Variants in SYNDIG1 observed in about 807,000 individuals in gnomAD.
SYNDIG1 encodes the protein synapse differentiation inducing 1, also known as synapse differentiation-inducing gene protein 1.
SYNDIG1 carries 9 observed loss-of-function variants against 19.4 expected under a neutral mutation model. That is an observed-to-expected ratio of 0.46 (90% CI 0.28 to 0.81). The LOEUF is 0.81. SYNDIG1 is among the 30% of genes least tolerant of loss of function. The probability of loss-of-function intolerance (pLI) is 0.12; values close to 1 mark genes in which losing one functional copy is unlikely to be tolerated. For missense variants in SYNDIG1, 311 were observed against 343.3 expected, an observed-to-expected ratio of 0.91 and a Z score of 0.74; for synonymous variants, 141 against 145.9, an observed-to-expected ratio of 0.97 and a Z score of 0.24.
At chr20:24,609,683 A>G (rs2058816459) in intron 3 of SYNDIG1, among the ~76,000 whole-genome samples, 1 of 152,202 alleles carries the variant, frequency 6.6e-6, no homozygotes, top group South Asian at 2.1e-4. Context: ...GCCCTGCACT[A>G]GAGTATAGGA....
chr20:24,632,830 C>T (rs2059263913), intron 3 of SYNDIG1, among the ~76,000 whole-genome samples: 1 of 152,154 alleles, frequency 6.6e-6, no homozygotes, highest in Admixed American at 6.5e-5. Flanking sequence ...CTTCCAGACA[C>T]AGGGATGACA....
rs1039458614 is a variant in SYNDIG1 at position 24,596,038 on chromosome 20, G to C, written c.618+11045G>C. 2.6e-5 allele frequency among the ~76,000 whole-genome samples: 4 copies of C among 152,052 alleles called. No individual in the cohort carries two copies. In the East Asian group the frequency reaches 7.7e-4, roughly 29 times the overall value. The stretch of plus-strand genomic sequence containing the variant: ...GCTCTTGTTTCTCTAGTTCTTCTAC[G>C]TGTAATGTTAAGTTGTTAACTTGGG... On this transcript the variant is annotated intron_variant, in intron 3 of 3. Coordinates refer to ENST00000376862, the MANE Select transcript of SYNDIG1 (RefSeq NM_024893.3).
intron 3 of SYNDIG1, among the ~76,000 whole-genome samples, chr20:24,641,279 GGATGGATT>G (rs145210039): frequency 0.048 from 7,370 of 152,150 alleles, 261 homozygotes; most frequent in Middle Eastern, 0.099. Context: ...GATGATGGAT[GGATGGATT>G]GATGGATGGA....
At chr20:24,488,000 A>G (rs952772201) in intron 1 of SYNDIG1, among the ~76,000 whole-genome samples, 1 of 152,250 alleles carries the variant, frequency 6.6e-6, no homozygotes, top group African/African-American at 2.4e-5. Context: ...AGACCAGCCA[A>G]GAATCAAGCA....
chr20:24,608,874 A>G (rs1233171118), intron 3 of SYNDIG1, among the ~76,000 whole-genome samples: 4 of 152,210 alleles, frequency 2.6e-5, no homozygotes, highest in Non-Finnish European at 5.9e-5. Flanking sequence ...AGATTAGATG[A>G]TGTTCAGAAA....
intron 1 of SYNDIG1, among the ~76,000 whole-genome samples, chr20:24,496,376 G>A (rs1473275348): frequency 1.3e-5 from 2 of 152,100 alleles, no homozygotes; most frequent in East Asian, 3.8e-4. Context: ...CATATATTTA[G>A]GTCTTCTGTG....
At position 24,517,308 on chromosome 20, in the gene SYNDIG1, AAAAT is replaced by A. The variant is rs1352128270; in HGVS notation, c.-78-25698_-78-25695del. 1.7e-4 allele frequency among the ~76,000 whole-genome samples: 25 copies of A among 149,748 alleles called. 1 individual carries two copies. The highest frequency in any genetic ancestry group is 5.3e-4 in the Admixed American group (8 of 15,026). ...TAGAACTTAAAGTATAATAAAAAAA[AAAAT>A]AAATAAATAAATATATATATATGCC... On this transcript the variant is annotated intron_variant, in intron 1 of 3. Transcript: ENST00000376862.
intron 2 of SYNDIG1, among the ~76,000 whole-genome samples, chr20:24,572,826 G>A (rs2058166586): frequency 6.6e-6 from 1 of 152,208 alleles, no homozygotes; most frequent in African/African-American, 2.4e-5. Flanking sequence ...TGCAGTGGTT[G>A]CCAGGGGTTA....
chr20:24,665,239 G>A (rs912973248), intron 3 of SYNDIG1, 107 bp from the exon 4 acceptor site: 7 of 1,362,166 alleles, frequency 5.1e-6, no homozygotes, highest in Non-Finnish European at 7.0e-6. Flanking sequence ...AGCCTTCTCT[G>A]CATCAACAAT....
At chr20:24,577,558 G>A (rs2058249550) in intron 2 of SYNDIG1, among the ~76,000 whole-genome samples, 1 of 152,224 alleles carries the variant, frequency 6.6e-6, no homozygotes, top group Non-Finnish European at 1.5e-5. Flanking sequence ...AGGCAGCTGG[G>A]TCCACTTCCA....
At chr20:24,626,936 C>T (rs964777061) in intron 3 of SYNDIG1, among the ~76,000 whole-genome samples, 2 of 152,282 alleles carry the variant, frequency 1.3e-5, no homozygotes, top group African/African-American at 4.8e-5. Context: ...ACCAGTCAGG[C>T]GTGGCGGCGC....
At chr20:24,487,976 A>G (rs1232139375) in intron 1 of SYNDIG1, among the ~76,000 whole-genome samples, 2 of 152,192 alleles carry the variant, frequency 1.3e-5, no homozygotes, top group Admixed American at 6.5e-5. Context: ...CGGCTTCATC[A>G]GTGACCCCAG....
intron 1 of SYNDIG1, among the ~76,000 whole-genome samples, chr20:24,496,511 A>T (rs991247429): frequency 6.6e-6 from 1 of 152,186 alleles, no homozygotes; most frequent in Non-Finnish European, 1.5e-5. Flanking sequence ...AGTGGAATAA[A>T]TGTGGGTTTT....
chr20:24,590,244 C>T (rs2058485539), intron 3 of SYNDIG1, among the ~76,000 whole-genome samples: 1 of 151,732 alleles, frequency 6.6e-6, no homozygotes, highest in Non-Finnish European at 1.5e-5. Flanking sequence ...GTGCCGAGGC[C>T]CTGGGGGGAG....
chr20:24,575,981 C>T (rs2058222015), intron 2 of SYNDIG1, among the ~76,000 whole-genome samples: 2 of 152,150 alleles, frequency 1.3e-5, no homozygotes, highest in Non-Finnish European at 2.9e-5. Context: ...AGGCCCCAGG[C>T]CCTGAAGAGC....
intron 1 of SYNDIG1, among the ~76,000 whole-genome samples, chr20:24,528,807 A>G (rs2057180639): frequency 6.6e-6 from 1 of 152,184 alleles, no homozygotes; most frequent in East Asian, 1.9e-4. Context: ...TTCTGAGACT[A>G]TCCATGGGCA....
chr20:24,582,275 C>T (rs533585413), intron 2 of SYNDIG1, among the ~76,000 whole-genome samples: 2 of 112,684 alleles, frequency 1.8e-5, no homozygotes, highest in African/African-American at 7.3e-5. Flanking sequence ...TCCCACTGCA[C>T]GGTCTCCCCC....
chr20:24,580,817 A>C (rs1457314122), intron 2 of SYNDIG1, among the ~76,000 whole-genome samples: 1 of 152,180 alleles, frequency 6.6e-6, no homozygotes, highest in Non-Finnish European at 1.5e-5. Context: ...CTAAATTAAA[A>C]TCTGCGAAGA....
intron 3 of SYNDIG1, among the ~76,000 whole-genome samples, chr20:24,662,243 C>T (rs1042972218): frequency 3.3e-5 from 5 of 151,806 alleles, no homozygotes; most frequent in Non-Finnish European, 7.4e-5. Flanking sequence ...AACAGCGCTG[C>T]ACTTGAGGGA....
Sources: allele counts gnomAD v4.1 joint callset (sites outside exome capture counted in the v4.1 genomes callset), GRCh38; gene constraint gnomAD v4.1.1; transcripts MANE v1.5; gene names NCBI Gene and HGNC (gene_info 2026-07-23, HGNC 2026-07-21).